Variants in SLK observed in about 807,000 individuals in gnomAD.
SLK encodes STE20-like serine/threonine-protein kinase.
In SLK, 67 loss-of-function variants were observed where a neutral mutation model predicts 147.7. That is an observed-to-expected ratio of 0.45 (90% CI 0.37 to 0.56). The LOEUF (loss-of-function observed/expected upper bound fraction) is 0.56, where lower values mean the gene tolerates loss of function less well. Ranked by LOEUF, SLK falls within the 20% of genes least tolerant of loss-of-function variation. The pLI, the probability that SLK is intolerant of heterozygous loss-of-function variation, is 0.00. For synonymous variants in SLK, 441 were observed against 475.0 expected, an observed-to-expected ratio of 0.93 and a Z score of 0.93; for missense variants, 1,136 against 1,438.8, an observed-to-expected ratio of 0.79 and a Z score of 3.41.
intron 1 of SLK, among the ~76,000 whole-genome samples, chr10:103,975,344 A>G (rs1389409202): frequency 6.6e-6 from 1 of 152,006 alleles, no homozygotes; most frequent in African/African-American, 2.4e-5. Context: ...CTCAGTAATT[A>G]CCACTTCCAT....
intron 13 of SLK, among the ~76,000 whole-genome samples, chr10:104,015,389 C>G (rs1844450357): frequency 6.6e-6 from 1 of 152,226 alleles, no homozygotes; most frequent in South Asian, 2.1e-4. Flanking sequence ...GAGTTAGCTG[C>G]TTTAAGGAAC....
chr10:103,992,544 T>C lies in SLK; in HGVS notation c.316-54T>C, dbSNP rs555067381. On this transcript the variant is annotated intron_variant, in intron 2 of 18. Transcript: ENST00000369755. The stretch of plus-strand genomic sequence containing the variant: ...TAAGCTGAAGAAAAAATACTGAAAC[T>C]CAAAACTCCATGTAGTTTTAGACAC... The C allele has an allele frequency of 2.9e-4, 405 of 1,381,622 alleles. 3 individuals are homozygous for C. The South Asian group carries it at 5.3e-3, about 18-fold the overall frequency. 85.6% of individuals were successfully genotyped at this position (1,381,622 alleles called of 1,614,324 possible).
At position 104,026,176 on chromosome 10, in the gene SLK, C is replaced by T. The variant is rs1251681402; in HGVS notation, c.*456C>T. On this transcript the variant is annotated 3_prime_UTR_variant, in exon 19 of 19. Transcript: ENST00000369755. The stretch of plus-strand genomic sequence containing the variant: ...TGGTGGATCAGCTCTCATAAAAAAG[C>T]TATGATTTGCTCAAATATGCTGTTG... 3.3e-5 allele frequency: 5 copies of T among 152,968 alleles called. No individual in the cohort carries two copies. The highest frequency in any genetic ancestry group is 1.2e-4 in the African/African-American group (5 of 41,528). The allele number at this position is 152,968 out of a possible 1,614,324, so 9.5% of individuals were successfully genotyped here. A position where few individuals can be genotyped will look rare whatever the true frequency, so the allele number is the denominator to read the frequency against.
chr10:103,976,396 T>C (rs1843871527), intron 1 of SLK, among the ~76,000 whole-genome samples: 1 of 152,294 alleles, frequency 6.6e-6, no homozygotes, highest in African/African-American at 2.4e-5. Flanking sequence ...TCCCAGTTGC[T>C]CTGTGTCTTC....
intron 11 of SLK, 52 bp from the exon 12 acceptor site, chr10:104,008,125 T>C (rs368143763): frequency 1.5e-5 from 20 of 1,353,672 alleles, no homozygotes; most frequent in Non-Finnish European, 2.1e-5. Context: ...TACTATAAGG[T>C]ATTAATATGG....
At chr10:104,001,107 C>T (rs1844242104) in intron 7 of SLK, among the ~76,000 whole-genome samples, 2 of 136,482 alleles carry the variant, frequency 1.5e-5, no homozygotes, top group South Asian at 2.4e-4. Flanking sequence ...AGTGACCTGA[C>T]ATTTGCTTTA....
chr10:103,973,584 CTT>C (rs559428958), intron 1 of SLK, among the ~76,000 whole-genome samples: 106 of 152,296 alleles, frequency 7.0e-4, no homozygotes, highest in Non-Finnish European at 1.2e-3. Flanking sequence ...ATTAACCTCT[CTT>C]TGATATTGAG....
chr10:104,000,202 C>T (rs1844227416), intron 7 of SLK, among the ~76,000 whole-genome samples: 1 of 152,058 alleles, frequency 6.6e-6, no homozygotes, highest in Non-Finnish European at 1.5e-5. Flanking sequence ...TATGTCTCTC[C>T]AGTTACTAGA....
chr10:104,000,685 A>G (rs1178098253), intron 7 of SLK, among the ~76,000 whole-genome samples: 4 of 152,216 alleles, frequency 2.6e-5, no homozygotes, highest in Non-Finnish European at 5.9e-5. Flanking sequence ...AGGTGTTTAT[A>G]GATACTTCTA....
chr10:104,005,842 T>G, intron 10 of SLK, 70 bp from the exon 11 acceptor site: 1 of 1,545,738 alleles, frequency 6.5e-7, no homozygotes, highest in Non-Finnish European at 8.7e-7. Context: ...TTTTAAAGCT[T>G]TAAAAAAAAA....
At chr10:103,990,445 C>A (rs576177689) in intron 1 of SLK, among the ~76,000 whole-genome samples, 1 of 152,234 alleles carries the variant, frequency 6.6e-6, no homozygotes, top group South Asian at 2.1e-4. Flanking sequence ...TCTGTACTTT[C>A]CACGCAATTT....
intron 18 of SLK, among the ~76,000 whole-genome samples, chr10:104,023,994 C>T (rs763325136): frequency 7.9e-5 from 12 of 152,126 alleles, no homozygotes; most frequent in African/African-American, 2.7e-4. Context: ...CACTGCAGGC[C>T]CACTCACTGC....
At chr10:104,013,687 A>G (rs748264272) in intron 13 of SLK, among the ~76,000 whole-genome samples, 1 of 152,214 alleles carries the variant, frequency 6.6e-6, no homozygotes, top group Admixed American at 6.5e-5. Flanking sequence ...GCAGTCTTCA[A>G]CGCCCAAATG....
chr10:103,974,826 ATTT>A (rs749565693), intron 1 of SLK: 13 of 55,474 alleles, frequency 2.3e-4, no homozygotes, highest in South Asian at 1.1e-3. Context: ...AATTTTTTCT[ATTT>A]TTTTTTTTTT....
At chr10:104,005,516 C>T in intron 9 of SLK, 45 bp from the exon 10 acceptor site, 2 of 1,543,670 alleles carry the variant, frequency 1.3e-6, no homozygotes, top group East Asian at 4.5e-5. Context: ...TTTCTACCTC[C>T]AGTATTCCTT....
intron 4 of SLK, 122 bp downstream of exon 4, chr10:103,993,255 G>T: frequency 1.6e-6 from 1 of 607,782 alleles, no homozygotes; most frequent in Non-Finnish European, 2.6e-6. Flanking sequence ...CTAACTCCAT[G>T]CTGGTTTTTA....
At chr10:103,991,512 A>G (rs932830986) in intron 2 of SLK, among the ~76,000 whole-genome samples, 1 of 152,076 alleles carries the variant, frequency 6.6e-6, no homozygotes, top group Non-Finnish European at 1.5e-5. Flanking sequence ...AGAGAAGAGT[A>G]AGTAGTATAA....
chr10:104,024,599 A>C (rs1017145603), intron 18 of SLK, among the ~76,000 whole-genome samples: 3 of 151,934 alleles, frequency 2.0e-5, no homozygotes, highest in Non-Finnish European at 2.9e-5. Flanking sequence ...CTCCCTATCA[A>C]ATTCTTATCT....
intron 9 of SLK, among the ~76,000 whole-genome samples, chr10:104,004,266 C>T (rs568893019): frequency 6.6e-6 from 1 of 152,238 alleles, no homozygotes; most frequent in South Asian, 2.1e-4. Context: ...TGCCTATCTG[C>T]CCCAAATTCC....
Sources: gnomAD v4.1 joint callset for allele counts (sites outside exome capture counted in the v4.1 genomes callset) on GRCh38, gnomAD v4.1.1 for gene constraint, MANE v1.5 for transcripts, NCBI Gene and HGNC (gene_info 2026-07-23, HGNC 2026-07-21) for gene names.